Variants in INTS4 observed in about 807,000 individuals in gnomAD.
INTS4 encodes the protein MSTP093.
INTS4 carries 70 observed loss-of-function variants against 119.5 expected under a neutral mutation model. That is an observed-to-expected ratio of 0.59 (90% CI 0.48 to 0.71). INTS4 has a LOEUF of 0.71. Among genes scored for constraint, INTS4 ranks in the 30% least tolerant of loss-of-function variants. The pLI is 0.00. For missense variants in INTS4, 867 were observed against 1,173.2 expected, an observed-to-expected ratio of 0.74 and a Z score of 3.81; for synonymous variants, 316 against 419.6, an observed-to-expected ratio of 0.75 and a Z score of 3.02.
chr11:77,950,274 G>T (rs990956378), intron 8 of INTS4, among the ~76,000 whole-genome samples: 3 of 152,038 alleles, frequency 2.0e-5, no homozygotes, highest in African/African-American at 7.2e-5. Context: ...TAGATGATAG[G>T]TTGACGGGTG....
chr11:77,876,973 A>T (rs1004979364), downstream of INTS4: 5 of 703,224 alleles, frequency 7.1e-6, no homozygotes, highest in Admixed American at 2.0e-5. Context: ...AGCTGCCATC[A>T]GGTGTTCATG....
Position 77,903,585 on chromosome 11 carries a change from A to G in INTS4, c.2052T>C (p.Pro684=). 6.2e-7 allele frequency: 1 copy of G among 1,613,906 alleles called. No homozygotes were observed. Among genetic ancestry groups the G allele is most frequent in the Non-Finnish European group, 8.5e-7 (1 of 1,179,842 alleles). The stretch of plus-strand genomic sequence containing the variant: ...CCAAATCACTCTGCTTCAAATACAA[A>G]GGGGCAGCTACATTCCACAACTTTT... ...LQEKLWNVAA[P]LYLKQSDLAS... The change falls in exon 17 of 23, where the codon CCT becomes CCC. Residue 684 remains proline, a synonymous_variant. Transcript: ENST00000534064.
At chr11:77,897,265 G>A (rs1384040961) in intron 18 of INTS4, among the ~76,000 whole-genome samples, 1 of 151,534 alleles carries the variant, frequency 6.6e-6, no homozygotes, top group Non-Finnish European at 1.5e-5. Flanking sequence ...AGGCCGAGGT[G>A]GAAGGACACT....
At chr11:77,913,655 T>C (rs992398035) in intron 15 of INTS4, among the ~76,000 whole-genome samples, 13 of 152,210 alleles carry the variant, frequency 8.5e-5, no homozygotes, top group African/African-American at 3.1e-4. Context: ...TGTCCAACTA[T>C]TATCTATGTA....
At chr11:77,888,123 C>A (rs1357739681) in intron 21 of INTS4, among the ~76,000 whole-genome samples, 2 of 152,184 alleles carry the variant, frequency 1.3e-5, no homozygotes, top group African/African-American at 4.8e-5. Context: ...CAAGTCAATC[C>A]TAAGCCAAAA....
At chr11:77,967,998 T>C (rs928867424) in intron 4 of INTS4, among the ~76,000 whole-genome samples, 12 of 152,216 alleles carry the variant, frequency 7.9e-5, no homozygotes, top group African/African-American at 2.9e-4. Context: ...CTAGACTACA[T>C]GATATAGCCT....
Position 77,922,437 on chromosome 11 carries a change from G to A in INTS4, c.1549C>T (p.Leu517=), listed in dbSNP as rs1310529247. Reference sequence around the variant, plus strand: ...AGCTCTGGCACCAAGGGAAGCACCAGGGTTGGATGCCGACTTCCCAGAAAC... The same window carrying A: ...AGCTCTGGCACCAAGGGAAGCACCAAGGTTGGATGCCGACTTCCCAGAAAC... ...LKFLGSRHPT[L]VLPLVPELLS... is the part of the protein sequence containing the mutation. Residue 517 remains leucine (L), a synonymous_variant, in exon 13 of 23, where the codon CTG becomes TTG. Transcript: ENST00000534064. The A allele has an allele frequency of 2.9e-5, 44 of 1,502,934 alleles. No individual in the cohort carries two copies. Among genetic ancestry groups the A allele is most frequent in the Non-Finnish European group, 3.8e-5 (43 of 1,120,364 alleles). 93.1% of individuals were successfully genotyped at this position (1,502,934 alleles called of 1,614,324 possible).
Position 77,954,835 on chromosome 11 carries a change from A to C in INTS4, c.918+1107T>G, listed in dbSNP as rs1954279812. Among the ~76,000 whole-genome samples the C allele has an allele frequency of 2.6e-5, 4 of 152,280 alleles. No individual in the cohort carries two copies. The South Asian group carries it at 8.3e-4, about 32-fold the overall frequency. Reference sequence around the variant, plus strand: ...GGTTCCTAACAAGCCATGGACCAGGACTGGTCCACAGCCTGGGGGTTTGAG... The same window carrying C: ...GGTTCCTAACAAGCCATGGACCAGGCCTGGTCCACAGCCTGGGGGTTTGAG... On this transcript the variant is annotated intron_variant, in intron 8 of 22. Coordinates refer to ENST00000534064, the MANE Select transcript of INTS4 (RefSeq NM_033547.4).
chr11:77,886,473 C>T (rs1184069371), intron 21 of INTS4, among the ~76,000 whole-genome samples: 1 of 151,788 alleles, frequency 6.6e-6, no homozygotes, highest in East Asian at 1.9e-4. Context: ...GATTTCTGCC[C>T]AGTGCTCTGA....
intron 2 of INTS4, among the ~76,000 whole-genome samples, chr11:77,985,812 A>G (rs1432666757): frequency 6.6e-6 from 1 of 152,206 alleles, no homozygotes; most frequent in Non-Finnish European, 1.5e-5. Flanking sequence ...CCCCTAAAGG[A>G]CAAAGAACAT....
At chr11:77,961,272 C>A in intron 4 of INTS4, 134 bp from the exon 5 acceptor site, 1 of 1,168,926 alleles carries the variant, frequency 8.6e-7, no homozygotes, top group South Asian at 2.1e-5. Flanking sequence ...GACCTATATT[C>A]TTAGGACAGT....
chr11:77,971,416 G>C (rs1379727168), intron 4 of INTS4, among the ~76,000 whole-genome samples: 3 of 152,028 alleles, frequency 2.0e-5, no homozygotes, highest in Non-Finnish European at 4.4e-5. Context: ...GGAAGCCAAG[G>C]TGCATGGATC....
intron 10 of INTS4, among the ~76,000 whole-genome samples, chr11:77,937,097 C>T (rs2136517044): frequency 6.6e-6 from 1 of 152,008 alleles, no homozygotes; most frequent in Admixed American, 6.6e-5. Context: ...ATTGTCTGAA[C>T]TCAGGATGCA....
At chr11:77,953,259 G>A (rs1954238474) in intron 8 of INTS4, among the ~76,000 whole-genome samples, 1 of 152,166 alleles carries the variant, frequency 6.6e-6, no homozygotes. Flanking sequence ...CAAAGGGGAA[G>A]TGTCCAAAAA....
intron 21 of INTS4, among the ~76,000 whole-genome samples, chr11:77,887,998 C>T (rs1443504426): frequency 6.6e-6 from 1 of 152,124 alleles, no homozygotes; most frequent in African/African-American, 2.4e-5. Flanking sequence ...GCCATACTGC[C>T]CAAGGTAATT....
intron 8 of INTS4, among the ~76,000 whole-genome samples, chr11:77,949,773 T>G (rs1434448878): frequency 6.6e-6 from 1 of 151,972 alleles, no homozygotes; most frequent in African/African-American, 2.4e-5. Context: ...TTGGTGGGAG[T>G]GTAAATTAGT....
chr11:77,921,234 C>T (rs1469775544), intron 14 of INTS4, 106 bp downstream of exon 14: 41 of 1,140,204 alleles, frequency 3.6e-5, no homozygotes, highest in Non-Finnish European at 4.7e-5. Flanking sequence ...AGTTTGAGAC[C>T]GCCCTGGGCA....
intron 1 of INTS4, among the ~76,000 whole-genome samples, chr11:77,993,017 T>C (rs1856759225): frequency 6.6e-6 from 1 of 152,226 alleles, no homozygotes; most frequent in Non-Finnish European, 1.5e-5. Flanking sequence ...CAAACTCAGT[T>C]TTCAGTCTTA....
intron 14 of INTS4, among the ~76,000 whole-genome samples, chr11:77,920,250 C>CACAT (rs1565244905): frequency 1.6e-5 from 2 of 127,322 alleles, no homozygotes; most frequent in African/African-American, 3.0e-5. Flanking sequence ...CATATATATA[C>CACAT]ATATATACAT....
Sources: gnomAD v4.1 joint callset for allele counts (sites outside exome capture counted in the v4.1 genomes callset) on GRCh38, gnomAD v4.1.1 for gene constraint, MANE v1.5 for transcripts, NCBI Gene and HGNC (gene_info 2026-07-23, HGNC 2026-07-21) for gene names.